The following JARID2 variants were observed in gnomAD, a reference collection of about 807,000 sequenced individuals.
The protein encoded by JARID2 is protein Jumonji.
Under a neutral mutation model 125.6 loss-of-function variants are expected in JARID2, and 21 were observed. The observed-to-expected ratio is 0.17, with a 90% CI of 0.12 to 0.24. The LOEUF (loss-of-function observed/expected upper bound fraction) is 0.24. JARID2 is among the 10% of genes least tolerant of loss of function. The pLI is 1.00. For synonymous variants in JARID2, 736 were observed against 661.6 expected (o/e 1.11, Z -1.73); for missense variants, 1,303 against 1,639.6 (o/e 0.79, Z 3.55).
At chr6:15,454,643 A>ATT (rs34961974) in intron 4 of JARID2, among the ~76,000 whole-genome samples, 1,907 of 141,732 alleles carry the variant, frequency 0.013, 23 homozygotes, top group Non-Finnish European at 0.021. Context: ...ACACCCAGCA[A>ATT]TTTTTTTTTT....
At chr6:15,510,959 G>A (rs969857442) in intron 12 of JARID2, among the ~76,000 whole-genome samples, 1 of 152,254 alleles carries the variant, frequency 6.6e-6, no homozygotes, top group Admixed American at 6.5e-5. Flanking sequence ...GGAGGCCGCA[G>A]TGTGTCTGGT....
At chr6:15,301,583 T>G (rs1761625891) in intron 1 of JARID2, among the ~76,000 whole-genome samples, 1 of 152,254 alleles carries the variant, frequency 6.6e-6, no homozygotes, top group Non-Finnish European at 1.5e-5. Flanking sequence ...GACCACATTT[T>G]ATTTTCTCTT....
intron 1 of JARID2, among the ~76,000 whole-genome samples, chr6:15,371,605 G>T (rs1764174083): frequency 1.3e-5 from 2 of 152,172 alleles, no homozygotes; most frequent in African/African-American, 4.8e-5. Flanking sequence ...GATTAATTCA[G>T]CTATATCATG....
intron 1 of JARID2, among the ~76,000 whole-genome samples, chr6:15,313,816 A>G (rs1762092774): frequency 6.6e-6 from 1 of 152,206 alleles, no homozygotes; most frequent in South Asian, 2.1e-4. Flanking sequence ...CAGATCTTAA[A>G]TACATTTGTC....
chr6:15,295,247 A>G (rs1239576009), intron 1 of JARID2, among the ~76,000 whole-genome samples: 4 of 149,606 alleles, frequency 2.7e-5, no homozygotes, highest in South Asian at 4.2e-4. Context: ...TCAGCCTCCC[A>G]AGTAGCTGGG....
intron 1 of JARID2, among the ~76,000 whole-genome samples, chr6:15,317,926 G>A (rs1762231109): frequency 6.6e-6 from 1 of 152,230 alleles, no homozygotes; most frequent in African/African-American, 2.4e-5. Context: ...CTGGCCAGCA[G>A]TGCCTGCAAG....
At chr6:15,254,185 T>C (rs1759564931) in intron 1 of JARID2, among the ~76,000 whole-genome samples, 1 of 152,210 alleles carries the variant, frequency 6.6e-6, no homozygotes, top group South Asian at 2.1e-4. Flanking sequence ...GAGTCATCAT[T>C]GGAAGACTGA....
At chr6:15,303,623 G>A (rs1419474688) in intron 1 of JARID2, among the ~76,000 whole-genome samples, 1 of 152,204 alleles carries the variant, frequency 6.6e-6, no homozygotes, top group Non-Finnish European at 1.5e-5. Flanking sequence ...CCCAATGTGA[G>A]AAGAGTTGCT....
At chr6:15,413,290 G>C (rs1765986187) in intron 3 of JARID2, among the ~76,000 whole-genome samples, 1 of 152,056 alleles carries the variant, frequency 6.6e-6, no homozygotes, top group South Asian at 2.1e-4. Context: ...TGGGATTACA[G>C]GTATGAGCCA....
rs113852404 is a variant in JARID2, at chr6:15,339,965, AT to A, written c.46-34140del. The stretch of plus-strand genomic sequence containing the variant: ...CTTATCTCTATGATCTTTGGCATTA[AT>A]TTTTTTTTTTTGAATTGGAGTCTTG... On this transcript the variant is annotated intron_variant, in intron 1 of 17. Coordinates refer to ENST00000341776, the MANE Select transcript of JARID2 (RefSeq NM_004973.4). 1.1e-3 allele frequency among the ~76,000 whole-genome samples: 162 copies of A among 147,144 alleles called. 2 individuals carry two copies. The highest frequency in any genetic ancestry group is 2.6e-3 in the African/African-American group (104 of 40,412).
chr6:15,313,586 C>G (rs1344539645), intron 1 of JARID2, among the ~76,000 whole-genome samples: 2 of 152,184 alleles, frequency 1.3e-5, no homozygotes, highest in Non-Finnish European at 2.9e-5. Context: ...CGGCAGCATG[C>G]TGTCCTTGAG....
chr6:15,277,998 A>G (rs534634627), intron 1 of JARID2, among the ~76,000 whole-genome samples: 85 of 152,300 alleles, frequency 5.6e-4, no homozygotes, highest in African/African-American at 1.9e-3. Flanking sequence ...CTGTAATCCC[A>G]GCACTTTGGG....
chr6:15,464,873 T>C (rs2127668460), intron 4 of JARID2, among the ~76,000 whole-genome samples: 1 of 152,332 alleles, frequency 6.6e-6, no homozygotes, highest in East Asian at 1.9e-4. Flanking sequence ...CAATCCTTTT[T>C]TCCTGTGTCC....
intron 3 of JARID2, among the ~76,000 whole-genome samples, chr6:15,412,141 G>A (rs1346437138): frequency 6.6e-6 from 1 of 152,170 alleles, no homozygotes; most frequent in Non-Finnish European, 1.5e-5. Flanking sequence ...ACTGAATTAA[G>A]GATTCATTAC....
At chr6:15,489,104 A>G (rs1481801756) in intron 6 of JARID2, among the ~76,000 whole-genome samples, 2 of 152,214 alleles carry the variant, frequency 1.3e-5, no homozygotes, top group African/African-American at 4.8e-5. Flanking sequence ...ATTAGAAGCA[A>G]CCCAGGGAGA....
In JARID2 at chr6:15,246,501, G is replaced by A. The variant is rs754453404; in HGVS notation, c.-39G>A. On this transcript the variant is annotated 5_prime_UTR_variant, in exon 1 of 18. Transcript: ENST00000341776. ...TTTCTGACGGCTTTAAATTCATGAAGCAATTGTCCCCTTTTGCAATCAGCA... is the reference window on the plus strand; with the variant it reads ...TTTCTGACGGCTTTAAATTCATGAAACAATTGTCCCCTTTTGCAATCAGCA... The A allele has an allele frequency of 1.9e-6, 3 of 1,582,464 alleles. No homozygotes were observed. The highest frequency in any genetic ancestry group is 2.6e-6 in the Non-Finnish European group (3 of 1,153,940).
chr6:15,260,382 A>G (rs974698565), intron 1 of JARID2, among the ~76,000 whole-genome samples: 1 of 152,200 alleles, frequency 6.6e-6, no homozygotes, highest in Non-Finnish European at 1.5e-5. Flanking sequence ...ATTCCAAACC[A>G]TTGTGGTTTA....
intron 5 of JARID2, among the ~76,000 whole-genome samples, chr6:15,481,015 C>T (rs1434389583): frequency 6.6e-6 from 1 of 152,244 alleles, no homozygotes; most frequent in Non-Finnish European, 1.5e-5. Flanking sequence ...GTGTATCTCT[C>T]TGCCTTTCAA....
At chr6:15,439,666 T>C (rs543442512) in intron 3 of JARID2, among the ~76,000 whole-genome samples, 6 of 152,356 alleles carry the variant, frequency 3.9e-5, no homozygotes, top group African/African-American at 1.4e-4. Context: ...TGTTTTTATC[T>C]TGAGTCCTGT....
Sources: allele counts gnomAD v4.1 joint callset (sites outside exome capture counted in the v4.1 genomes callset), GRCh38; gene constraint gnomAD v4.1.1; transcripts MANE v1.5; gene names NCBI Gene and HGNC (gene_info 2026-07-23, HGNC 2026-07-21).